Variants in EXOC3L4 observed in about 807,000 individuals in gnomAD.
EXOC3L4 encodes the protein exocyst complex component 3-like protein 4.
In EXOC3L4, 62 loss-of-function variants were observed where a neutral mutation model predicts 69.7. That is an observed-to-expected ratio of 0.89 (90% CI 0.72 to 1.10). The LOEUF (loss-of-function observed/expected upper bound fraction) is 1.10, where lower values mean the gene tolerates loss of function less well. EXOC3L4 is among the 50% of genes least tolerant of loss of function. The probability of loss-of-function intolerance (pLI) is 0.00; values close to 1 mark genes in which losing one functional copy is unlikely to be tolerated. For synonymous variants in EXOC3L4, 502 were observed against 464.2 expected (o/e 1.08, Z -1.05); for missense variants, 1,087 against 1,034.8 (o/e 1.05, Z -0.69).
chr14:103,110,071 GGCCGCCAGC>G lies in EXOC3L4; in HGVS notation c.2019_2027del (p.Arg674_Arg676del). The G allele has an allele frequency of 1.2e-6, 2 of 1,601,040 alleles. No individual in the cohort carries two copies. Among genetic ancestry groups the G allele is most frequent in the Non-Finnish European group, 1.7e-6 (2 of 1,174,616 alleles). On this transcript the variant is annotated inframe_deletion, in exon 12 of 12. Coordinates refer to ENST00000688303, the MANE Select transcript of EXOC3L4 (RefSeq NM_001077594.2). ...GGCCATTCTGGCGCTGCGCCGACTGGGCCGCCAGCGGAACCAGCATCTCTTGCAGCACAC... is the reference window on the plus strand; with the variant it reads ...GGCCATTCTGGCGCTGCGCCGACTGGGGAACCAGCATCTCTTGCAGCACAC...
intron 1 of EXOC3L4, among the ~76,000 whole-genome samples, chr14:103,096,158 CCTGGG>C (rs1280359462): frequency 6.6e-6 from 1 of 152,062 alleles, no homozygotes; most frequent in Non-Finnish European, 1.5e-5. Context: ...TTGAGACCAG[CCTGGG>C]CACACATAAT....
chr14:103,105,709 G>A (rs1026117492), intron 7 of EXOC3L4, among the ~76,000 whole-genome samples: 35 of 152,156 alleles, frequency 2.3e-4, no homozygotes, highest in African/African-American at 3.6e-4. Flanking sequence ...GAAGGCAGAC[G>A]CCCTCCCTGT....
In EXOC3L4 at chr14:103,107,516, C is replaced by G. The variant is rs1449867618; in HGVS notation, c.1674C>G (p.Leu558=). The G allele has an allele frequency of 1.2e-6, 2 of 1,613,678 alleles. No individual in the cohort carries two copies. The highest frequency in any genetic ancestry group is 1.7e-6 in the Non-Finnish European group (2 of 1,180,042). Residue 558 remains leucine (L), a synonymous_variant, in exon 9 of 12, where the codon CTC becomes CTG. Transcript: ENST00000688303. ...AGGTGGTGACCTTCGCCGGTCATCTCCAGCGTGTGGCCCGGCCGCGGGCAC... is the reference window on the plus strand; with the variant it reads ...AGGTGGTGACCTTCGCCGGTCATCTGCAGCGTGTGGCCCGGCCGCGGGCAC... ...MDKVVTFAGH[L]QRVARPRAQE... is the part of the protein sequence containing the mutation.
chr14:103,104,880 C>T lies in EXOC3L4; in HGVS notation c.1385+42C>T, dbSNP rs1175250457. On this transcript the variant is annotated intron_variant, in intron 6 of 11. Transcript: ENST00000688303. ...AGTAGGGGAGCGACCTGGCCGGGTG[C>T]GCTCTGCAGGTGGGAGGGAGGAGTC... 7 of 1,531,016 alleles carry T rather than the reference C, an allele frequency of 4.6e-6. No homozygotes were observed. The East Asian group carries it at 7.1e-5, about 15-fold the overall frequency. 94.8% of individuals were successfully genotyped at this position (1,531,016 alleles called of 1,614,324 possible). A position where few individuals can be genotyped will look rare whatever the true frequency, so the allele number is the denominator to read the frequency against.
At chr14:103,102,920 C>A in intron 3 of EXOC3L4, 148 bp downstream of exon 3, 2 of 871,544 alleles carry the variant, frequency 2.3e-6, no homozygotes, top group South Asian at 4.0e-5. Flanking sequence ...ACATGCTTTC[C>A]TCGGCGGGTT....
rs759676549 is a variant in EXOC3L4 at position 103,107,658 on chromosome 14, G to A, written c.1729G>A (p.Val577Met). The change falls in exon 10 of 12, where the codon GTG (valine) becomes ATG (methionine). Residue 577 changes from valine (V) to methionine (M), a missense_variant. Coordinates refer to ENST00000688303, the MANE Select transcript of EXOC3L4 (RefSeq NM_001077594.2). The part of the protein sequence containing the change: ...QETLQEVHRF[V>M]VREYLARALR... ...GACTCTGCAGGAGGTGCACCGGTTC[G>A]TGGTCCGCGAGTACCTGGCGCGGGC... is the stretch of plus-strand genomic sequence containing the variant. The A allele has an allele frequency of 8.2e-5, 129 of 1,574,170 alleles. No individual in the cohort carries two copies. The highest frequency in any genetic ancestry group is 2.6e-4 in the East Asian group (11 of 42,478).
At chr14:103,108,872 G>T (rs1318124911) in intron 11 of EXOC3L4, among the ~76,000 whole-genome samples, 1 of 152,084 alleles carries the variant, frequency 6.6e-6, no homozygotes, top group Non-Finnish European at 1.5e-5. Context: ...TTGTGCTGGG[G>T]GGTCGGTGAG....
At chr14:103,096,880 A>T (rs61548334) in intron 1 of EXOC3L4, among the ~76,000 whole-genome samples, 1 of 152,192 alleles carries the variant, frequency 6.6e-6, no homozygotes, top group African/African-American at 2.4e-5. Flanking sequence ...GGCTGTGATC[A>T]GGTGAAGGTG....
intron 2 of EXOC3L4, among the ~76,000 whole-genome samples, chr14:103,101,667 G>C (rs1444562730): frequency 6.6e-6 from 1 of 152,220 alleles, no homozygotes; most frequent in African/African-American, 2.4e-5. Context: ...TGGGAAGAGG[G>C]GGACATGGAG....
intron 1 of EXOC3L4, among the ~76,000 whole-genome samples, chr14:103,095,745 C>T (rs1427158881): frequency 6.6e-6 from 1 of 152,148 alleles, no homozygotes; most frequent in East Asian, 1.9e-4. Context: ...ATAGGCTTTG[C>T]TAGGGTATAG....
In EXOC3L4 at chr14:103,106,857, C is replaced by T. The variant is rs1157580796; in HGVS notation, c.1539C>T (p.Ser513=). The T allele has an allele frequency of 1.9e-6, 3 of 1,590,758 alleles. No individual in the cohort carries two copies. The highest frequency in any genetic ancestry group is 1.3e-5 in the African/African-American group (1 of 74,870). The change falls in exon 8 of 12, where the codon AGC becomes AGT. Residue 513 remains serine (S), a synonymous_variant. Transcript: ENST00000688303. ...AGCCCCTGGTGACGGCCACCTGCAG[C>T]TTCCAGAAGCACTTGCTTCAGGGCT... ...LEKPLVTATC[S]FQKHLLQGLQ...
chr14:103,103,789 C>A, intron 3 of EXOC3L4, 152 bp from the exon 4 acceptor site: 1 of 461,140 alleles, frequency 2.2e-6, no homozygotes, highest in Non-Finnish European at 3.7e-6. Flanking sequence ...AGCCTAGAGG[C>A]GCGCGCGCGT....
At chr14:103,109,906 T>G in intron 11 of EXOC3L4, 125 bp from the exon 12 acceptor site, 1 of 1,080,826 alleles carries the variant, frequency 9.3e-7, no homozygotes, top group South Asian at 1.6e-5. Context: ...CAATCTGACC[T>G]CCCTGACCAT....
chr14:103,104,072 G>A lies in EXOC3L4; in HGVS notation c.1161+20G>A, dbSNP rs761650841. 2.0e-6 allele frequency: 3 copies of A among 1,533,904 alleles called. No homozygotes were observed. Among genetic ancestry groups the A allele is most frequent in the Non-Finnish European group, 2.6e-6 (3 of 1,143,166 alleles). On this transcript the variant is annotated intron_variant, in intron 4 of 11. Transcript: ENST00000688303. ...CTGGAGGTCAGGCCGGGCGGGTCAG[G>A]CTGGGCGGGCCAGGCTGGAGGGGGC... is the stretch of plus-strand genomic sequence containing the variant.
intron 4 of EXOC3L4, 101 bp downstream of exon 4, chr14:103,104,153 T>C: frequency 6.9e-7 from 1 of 1,448,800 alleles, no homozygotes; most frequent in African/African-American, 1.5e-5. Context: ...CTGGCTCTGG[T>C]TCACCCTGTG....
chr14:103,099,453 G>A (rs1890052522), intron 1 of EXOC3L4, among the ~76,000 whole-genome samples: 2 of 152,218 alleles, frequency 1.3e-5, no homozygotes, highest in Admixed American at 1.3e-4. Flanking sequence ...GAGAGGGAGA[G>A]GAGTGGGGGG....
rs1387614287 is a variant in EXOC3L4, at chr14:103,102,248, C to T, written c.525C>T (p.Phe175=). ...SRTFEQDPTA[F]ARRAMDVCLL... is the part of the protein sequence containing the mutation. ...CCTTTGAGCAGGACCCTACGGCCTTCGCGCGGCGCGCTATGGACGTGTGCC... is the reference window on the plus strand; with the variant it reads ...CCTTTGAGCAGGACCCTACGGCCTTTGCGCGGCGCGCTATGGACGTGTGCC... Residue 175 remains phenylalanine (F), a synonymous_variant, in exon 3 of 12, where the codon TTC becomes TTT. Transcript: ENST00000688303. 7.6e-6 allele frequency: 12 copies of T among 1,587,330 alleles called. No homozygotes were observed. The highest frequency in any genetic ancestry group is 1.7e-4 in the Middle Eastern group (1 of 6,030).
intron 11 of EXOC3L4, 144 bp from the exon 12 acceptor site, chr14:103,109,886 TG>T: frequency 2.3e-6 from 2 of 878,892 alleles, no homozygotes; most frequent in South Asian, 1.8e-5. Flanking sequence ...CAGCTCTTCC[TG>T]GCCTCAGTCA....
rs763843852 is a variant in EXOC3L4, at chr14:103,100,461, G to C, written c.242G>C (p.Cys81Ser). 1 of 1,613,430 alleles carries C rather than the reference G, an allele frequency of 6.2e-7. No homozygotes were observed. Among genetic ancestry groups the C allele is most frequent in the Admixed American group, 1.7e-5 (1 of 59,994 alleles). ...ACGGGCCTGTTCCGGCGAAGCTCCT[G>C]CTCCCTGTTCCGGTCCTTCCGGCAA... ...EDTGLFRRSS[C>S]SLFRSFRQAL... The change falls in exon 2 of 12, where the codon TGC becomes TCC. Residue 81 changes from cysteine to serine, a missense_variant. By Grantham distance (112) the Cys-to-Ser change is moderately radical. Transcript: ENST00000688303.
Sources: gnomAD v4.1 joint callset for allele counts (sites outside exome capture counted in the v4.1 genomes callset) on GRCh38, gnomAD v4.1.1 for gene constraint, MANE v1.5 for transcripts, NCBI Gene and HGNC (gene_info 2026-07-23, HGNC 2026-07-21) for gene names.